Variants in PLSCR2 observed in about 807,000 individuals in gnomAD.
The protein encoded by PLSCR2 is PL scramblase 2.
In PLSCR2, 18 loss-of-function variants were observed where a neutral mutation model predicts 25.3. The observed-to-expected ratio is 0.71, with a 90% CI of 0.49 to 1.06. The LOEUF (loss-of-function observed/expected upper bound fraction) is 1.06, where lower values mean the gene tolerates loss of function less well. Among genes scored for constraint, PLSCR2 ranks in the 50% least tolerant of loss-of-function variants. The probability of loss-of-function intolerance (pLI) is 0.00; values close to 1 mark genes in which losing one functional copy is unlikely to be tolerated. For missense variants in PLSCR2, 243 were observed against 269.5 expected (o/e 0.90, Z 0.69); for synonymous variants, 88 against 87.3 (o/e 1.01, Z -0.04).
chr3:146,392,832 T>A (rs1286023848), intron 3 of PLSCR2, among the ~76,000 whole-genome samples: 2 of 142,528 alleles, frequency 1.4e-5, no homozygotes, highest in African/African-American at 5.1e-5. Context: ...TCCTTCATTA[T>A]GCTTCCTTGG....
intron 1 of PLSCR2, among the ~76,000 whole-genome samples, chr3:146,495,238 T>C (rs1344847091): frequency 6.6e-6 from 1 of 152,276 alleles, no homozygotes; most frequent in South Asian, 2.1e-4. Context: ...GAGAAGAACA[T>C]AAATGTCTTC....
chr3:146,416,825 A>T (rs1374253922), intron 2 of PLSCR2, among the ~76,000 whole-genome samples: 1 of 152,190 alleles, frequency 6.6e-6, no homozygotes, highest in Admixed American at 6.5e-5. Context: ...CCAAAAAGGA[A>T]TTTTAGGAGT....
At chr3:146,482,840 G>A (rs1464377533) in intron 1 of PLSCR2, among the ~76,000 whole-genome samples, 4 of 152,276 alleles carry the variant, frequency 2.6e-5, no homozygotes, top group Admixed American at 2.0e-4. Context: ...GTCCATCAGT[G>A]ATAGACTGGA....
At chr3:146,467,768 G>A (rs374252405) in intron 1 of PLSCR2, among the ~76,000 whole-genome samples, 2 of 152,212 alleles carry the variant, frequency 1.3e-5, no homozygotes, top group South Asian at 2.1e-4. Context: ...AGTCAGAGCG[G>A]AGAGTTGAAA....
Position 146,455,248 on chromosome 3 carries a change from G to A in PLSCR2, c.312C>T (p.Cys104=), listed in dbSNP as rs1190599075. The change falls in exon 4 of 7, where the codon TGC becomes TGT. Residue 104 remains cysteine, a synonymous_variant. Transcript: ENST00000610787. ...GTAATTGCTCACATACCTCCTGAAG[G>A]CAGCAGGGGCAACAACAACAGTTAC... The A allele has an allele frequency of 2.5e-6, 4 of 1,610,434 alleles. No individual in the cohort carries two copies. The East Asian group carries it at 6.7e-5, about 27-fold the overall frequency.
chr3:146,426,183 CTCCCTCCCTCCTTCCCTCCTTCCT>C (rs1183711891), intron 2 of PLSCR2, among the ~76,000 whole-genome samples: 3 of 140,568 alleles, frequency 2.1e-5, no homozygotes, highest in African/African-American at 2.7e-5. Context: ...TCCTTCCTTC[CTCCCTCCCTCCTTCCCTCCTTCCT>C]TCCCTCCCTC....
chr3:146,394,229 CAG>C (rs2107972127), intron 3 of PLSCR2, among the ~76,000 whole-genome samples: 1 of 152,116 alleles, frequency 6.6e-6, no homozygotes, highest in Non-Finnish European at 1.5e-5. Context: ...AAAGAGACTA[CAG>C]ATACTTTAAA....
intron 1 of PLSCR2, among the ~76,000 whole-genome samples, chr3:146,492,039 T>C (rs2043570818): frequency 6.6e-6 from 1 of 152,148 alleles, no homozygotes; most frequent in South Asian, 2.1e-4. Context: ...CCTGAAGGAT[T>C]TGACTGTGTT....
intron 1 of PLSCR2, among the ~76,000 whole-genome samples, chr3:146,477,281 C>A (rs535230860): frequency 6.6e-6 from 1 of 152,162 alleles, no homozygotes; most frequent in African/African-American, 2.4e-5. Context: ...CAGGGCAGAG[C>A]GTTACCTCAC....
chr3:146,411,575 G>A (rs1020087579), intron 2 of PLSCR2, among the ~76,000 whole-genome samples: 1 of 152,214 alleles, frequency 6.6e-6, no homozygotes. Context: ...CTCTTGCCCG[G>A]TGGCATTAAT....
At chr3:146,471,887 G>A (rs2042132541) in intron 1 of PLSCR2, among the ~76,000 whole-genome samples, 1 of 152,300 alleles carries the variant, frequency 6.6e-6, no homozygotes, top group Middle Eastern at 3.4e-3. Flanking sequence ...TTTGCCTACT[G>A]TGTCTCTGGC....
At chr3:146,475,658 A>G (rs2042261521) in intron 1 of PLSCR2, among the ~76,000 whole-genome samples, 2 of 152,194 alleles carry the variant, frequency 1.3e-5, no homozygotes, top group Non-Finnish European at 2.9e-5. Context: ...TTAGCATAGT[A>G]GTCATTCAAT....
chr3:146,488,614 C>G (rs922838247), intron 1 of PLSCR2, among the ~76,000 whole-genome samples: 1 of 152,054 alleles, frequency 6.6e-6, no homozygotes, highest in African/African-American at 2.4e-5. Flanking sequence ...CAAATCAAAA[C>G]CACAATGAGA....
intron 3 of PLSCR2, among the ~76,000 whole-genome samples, chr3:146,456,756 C>T (rs2041244890): frequency 6.6e-6 from 1 of 151,534 alleles, no homozygotes; most frequent in Admixed American, 6.6e-5. Context: ...TTTTATATGC[C>T]TCGATGTTAG....
chr3:146,461,912 A>C, upstream of PLSCR2: 1 of 1,515,878 alleles, frequency 6.6e-7, no homozygotes, highest in Non-Finnish European at 8.8e-7. Context: ...CCAGTACTGG[A>C]ATTTACAAGG....
chr3:146,451,260 G>A (rs1289950511), intron 5 of PLSCR2, among the ~76,000 whole-genome samples: 2 of 151,720 alleles, frequency 1.3e-5, no homozygotes, highest in African/African-American at 2.4e-5. Flanking sequence ...GATTACAGGC[G>A]CCTGCCACCA....
chr3:146,424,477 G>C lies in PLSCR2; in HGVS notation c.101-28556C>G, dbSNP rs146686769. Among the ~76,000 whole-genome samples, 358 of 152,180 alleles carry C rather than the reference G, an allele frequency of 2.4e-3. 3 individuals are homozygous for C. Among genetic ancestry groups the C allele is most frequent in the African/African-American group, 8.3e-3 (343 of 41,544 alleles). On this transcript the variant is annotated intron_variant and NMD_transcript_variant, in intron 2 of 3. Coordinates refer to the PLSCR2 transcript ENST00000463633. ...GATTCATTTTAGACTTTTGACCTCA[G>C]AAATTATAAGACAATAAATTTGTTT...
intron 1 of PLSCR2, among the ~76,000 whole-genome samples, chr3:146,477,428 TTC>T (rs1270358909): frequency 6.6e-6 from 1 of 152,182 alleles, no homozygotes; most frequent in Admixed American, 6.5e-5. Flanking sequence ...GACTAGGAAA[TTC>T]TCTCCCGTGC....
chr3:146,493,458 A>G (rs1437722305), intron 1 of PLSCR2, among the ~76,000 whole-genome samples: 1 of 152,182 alleles, frequency 6.6e-6, no homozygotes, highest in Non-Finnish European at 1.5e-5. Context: ...TTAATCCTGT[A>G]ATGCGAGATT....
Sources: gnomAD v4.1 joint callset for allele counts (sites outside exome capture counted in the v4.1 genomes callset) on GRCh38, gnomAD v4.1.1 for gene constraint, MANE v1.5 for transcripts, NCBI Gene and HGNC (gene_info 2026-07-23, HGNC 2026-07-21) for gene names.